The following PRKN variants were observed in gnomAD, a reference collection of about 807,000 sequenced individuals.
The protein encoded by PRKN is E3 ubiquitin-protein ligase parkin.
PRKN carries 56 observed loss-of-function variants against 59.5 expected under a neutral mutation model. The ratio of observed to expected loss-of-function variants is 0.94; its 90% CI spans 0.76 to 1.18. The LOEUF (loss-of-function observed/expected upper bound fraction) is 1.18, where lower values mean the gene tolerates loss of function less well. PRKN is among the 50% of genes most tolerant of loss of function. The pLI is 0.00. For synonymous variants in PRKN, 250 were observed against 222.1 expected (o/e 1.13, Z -1.12); for missense variants, 657 against 596.4 (o/e 1.10, Z -1.06).
chr6:161,716,011 C>G, intron 7 of PRKN: 2 of 864,878 alleles, frequency 2.3e-6, no homozygotes, highest in Non-Finnish European at 3.4e-6. Context: ...ATTTAACAAG[C>G]TCTTCTGGGG....
intron 6 of PRKN, among the ~76,000 whole-genome samples, chr6:161,869,421 C>T (rs532030248): frequency 1.3e-5 from 2 of 152,024 alleles, no homozygotes; most frequent in East Asian, 1.9e-4. Flanking sequence ...AAAAGAAAGG[C>T]GATGGTCAAC....
At chr6:162,137,396 G>A (rs1781596784) in intron 4 of PRKN, among the ~76,000 whole-genome samples, 1 of 152,112 alleles carries the variant, frequency 6.6e-6, no homozygotes, top group Non-Finnish European at 1.5e-5. Flanking sequence ...AGCAGGTGAG[G>A]TACCTAAAAC....
chr6:162,397,339 G>T (rs1787524850), intron 2 of PRKN, among the ~76,000 whole-genome samples: 1 of 152,112 alleles, frequency 6.6e-6, no homozygotes, highest in African/African-American at 2.4e-5. Context: ...ATTAAGTCAT[G>T]TCTAGGCCAA....
intron 2 of PRKN, among the ~76,000 whole-genome samples, chr6:162,427,827 T>C (rs879751187): frequency 1.3e-5 from 2 of 152,038 alleles, no homozygotes; most frequent in Admixed American, 1.3e-4. Flanking sequence ...TTGCATTTTT[T>C]TTAGTTGAGA....
chr6:162,707,293 A>C (rs1408247675), intron 1 of PRKN, among the ~76,000 whole-genome samples: 1 of 152,206 alleles, frequency 6.6e-6, no homozygotes, highest in East Asian at 1.9e-4. Context: ...AAGTTATGTG[A>C]CCATTAGGCA....
At chr6:162,091,294 AC>A (rs1254132701) in intron 4 of PRKN, among the ~76,000 whole-genome samples, 1 of 152,186 alleles carries the variant, frequency 6.6e-6, no homozygotes, top group Admixed American at 6.5e-5. Flanking sequence ...ATAACTGCCT[AC>A]AAAAAGACAG....
At chr6:162,284,306 C>T (rs1450166128) in intron 2 of PRKN, among the ~76,000 whole-genome samples, 1 of 142,488 alleles carries the variant, frequency 7.0e-6, no homozygotes, top group East Asian at 2.4e-4. Flanking sequence ...CTCACTGCAA[C>T]GTCCACCTCT....
chr6:162,531,395 A>G (rs1471267284), intron 1 of PRKN, among the ~76,000 whole-genome samples: 1 of 152,150 alleles, frequency 6.6e-6, no homozygotes, highest in Non-Finnish European at 1.5e-5. Flanking sequence ...GCTGTGCGGG[A>G]GACCTGAGTT....
chr6:162,262,719 G>T lies in PRKN; in HGVS notation c.218C>A (p.Pro73Gln), dbSNP rs775743629. 2 of 1,611,308 alleles carry T rather than the reference G, an allele frequency of 1.2e-6. No homozygotes were observed. Among genetic ancestry groups the T allele is most frequent in the Non-Finnish European group, 1.7e-6 (2 of 1,179,796 alleles). The change falls in exon 3 of 12, where the codon CCG (proline) becomes CAG (glutamine). Residue 73 changes from proline to glutamine, a missense_variant. Coordinates refer to ENST00000366898, the MANE Select transcript of PRKN (RefSeq NM_004562.3). ...ATTCATTTCTTGACCTTTTCTCCAC[G>T]GTCTCTGCACAATGTGAACAATGCT... ...QQSIVHIVQR[P>Q]WRKGQEMNAT...
chr6:162,024,814 AAAC>A, intron 5 of PRKN, among the ~76,000 whole-genome samples: 1 of 152,280 alleles, frequency 6.6e-6, no homozygotes, highest in South Asian at 2.1e-4. Context: ...GTATTTGCAA[AAAC>A]AAAGAGAAAG....
intron 6 of PRKN, among the ~76,000 whole-genome samples, chr6:161,970,832 C>A (rs1490276055): frequency 6.6e-6 from 1 of 152,230 alleles, no homozygotes; most frequent in East Asian, 1.9e-4. Context: ...GCCACCGTGT[C>A]TGGCCACTTC....
At chr6:161,642,193 C>T (rs1219460203) in intron 7 of PRKN, among the ~76,000 whole-genome samples, 1 of 152,070 alleles carries the variant, frequency 6.6e-6, no homozygotes, top group Admixed American at 6.5e-5. Context: ...CTGTCTGTTC[C>T]TTTTGTTTTA....
rs184964723 is a variant in PRKN at position 162,591,371 on chromosome 6, A to T, written c.7+136291T>A. On this transcript the variant is annotated intron_variant, in intron 1 of 11. Coordinates refer to ENST00000366898, the MANE Select transcript of PRKN (RefSeq NM_004562.3). ...AATTTTTTTAAATTAAATTTAAAAA[A>T]TTTTTCACGGATACATAATAGTTGT... Among the ~76,000 whole-genome samples the T allele has an allele frequency of 7.1e-4, 108 of 152,144 alleles. No individual in the cohort carries two copies. The East Asian group carries it at 0.01, about 14-fold the overall frequency.
chr6:161,971,344 A>G (rs554567460), intron 6 of PRKN, among the ~76,000 whole-genome samples: 1 of 152,320 alleles, frequency 6.6e-6, no homozygotes, highest in South Asian at 2.1e-4. Context: ...CATGTTTACC[A>G]ACCTTAATGG....
intron 1 of PRKN, among the ~76,000 whole-genome samples, chr6:162,469,149 G>A (rs1791582515): frequency 6.6e-6 from 1 of 152,072 alleles, no homozygotes; most frequent in Admixed American, 6.5e-5. Flanking sequence ...ACCTTCTGGT[G>A]TATTTACAAG....
rs11311692 is a variant in PRKN at position 161,458,913 on chromosome 6, G to GT, written c.1084-72037dup. On this transcript the variant is annotated intron_variant, in intron 9 of 11. Coordinates refer to ENST00000366898, the MANE Select transcript of PRKN (RefSeq NM_004562.3). This position sits in a 1 kb window ranked among gnomAD's most constrained non-coding sequence, Gnocchi z 6.1. ...TATAATTACCAGAAGCCATTTTCAT[G>GT]TTTTTTTTTTTCTTTTTAAAGTGCA... Among the ~76,000 whole-genome samples, 2,954 of 148,786 alleles carry GT rather than the reference G, an allele frequency of 0.02. 56 individuals are homozygous for GT. Among genetic ancestry groups the GT allele is most frequent in the African/African-American group, 0.045 (1,840 of 40,910 alleles).
chr6:161,981,239 T>C (rs1355816886), intron 5 of PRKN, among the ~76,000 whole-genome samples: 2 of 152,194 alleles, frequency 1.3e-5, no homozygotes, highest in Admixed American at 6.5e-5. Context: ...CCAGTTACTC[T>C]CTCCTCAGAA....
Position 161,861,629 on chromosome 6 carries a change from A to C in PRKN, c.735-75721T>G, listed in dbSNP as rs941037787. 5.3e-5 allele frequency among the ~76,000 whole-genome samples: 8 copies of C among 152,116 alleles called. No individual in the cohort carries two copies. The East Asian group carries it at 5.8e-4, about 11-fold the overall frequency. ...AGTATAAACATTCAAAAAAAAAAAA[A>C]AAAACCTTAGAGTCGTCAGTTGCAC... On this transcript the variant is annotated intron_variant, in intron 6 of 11. Coordinates refer to ENST00000366898, the MANE Select transcript of PRKN (RefSeq NM_004562.3).
At chr6:161,820,673 TG>T (rs902739297) in intron 6 of PRKN, among the ~76,000 whole-genome samples, 1 of 148,328 alleles carries the variant, frequency 6.7e-6, no homozygotes, top group Admixed American at 6.7e-5. Flanking sequence ...ATTTTATAAA[TG>T]GCAATTTTTA....
Sources: gnomAD v4.1 joint callset for allele counts (sites outside exome capture counted in the v4.1 genomes callset) on GRCh38, gnomAD v4.1.1 for gene constraint, Gnocchi (gnomAD v3.1) non-coding constraint, MANE v1.5 for transcripts, NCBI Gene and HGNC (gene_info 2026-07-23, HGNC 2026-07-21) for gene names.